SORCS1: variants seen among roughly 807,000 people sequenced by gnomAD.
SORCS1 encodes sortilin related VPS10 domain containing receptor 1.
Under a neutral mutation model 146.1 loss-of-function variants are expected in SORCS1, and 60 were observed. That is an observed-to-expected ratio of 0.41 (90% confidence interval 0.33 to 0.51). The LOEUF is 0.51. SORCS1 is among the 20% of genes least tolerant of loss of function. SORCS1 has a pLI of 0.21. For synonymous variants in SORCS1, 637 were observed against 584.0 expected, an observed-to-expected ratio of 1.09 and a Z score of -1.31; for missense variants, 1,352 against 1,487.6, an observed-to-expected ratio of 0.91 and a Z score of 1.50.
At chr10:107,106,855 A>T (rs1965345806) in intron 1 of SORCS1, among the ~76,000 whole-genome samples, 1 of 152,100 alleles carries the variant, frequency 6.6e-6, no homozygotes, top group Admixed American at 6.6e-5. Context: ...AGCCCCAGAG[A>T]TCTCTCTCAT....
intron 18 of SORCS1, among the ~76,000 whole-genome samples, chr10:106,634,661 CTT>C (rs1848628787): frequency 6.6e-6 from 1 of 152,118 alleles, no homozygotes; most frequent in Admixed American, 6.5e-5. Flanking sequence ...GTATTCCTGG[CTT>C]TGACTCTCTT....
At chr10:106,869,372 C>T (rs1035536041) in intron 2 of SORCS1, among the ~76,000 whole-genome samples, 1 of 152,012 alleles carries the variant, frequency 6.6e-6, no homozygotes, top group Admixed American at 6.6e-5. Flanking sequence ...ACCAAAACCT[C>T]GCAGACACAC....
At chr10:107,084,966 A>C (rs1306455711) in intron 1 of SORCS1, among the ~76,000 whole-genome samples, 2 of 152,184 alleles carry the variant, frequency 1.3e-5, no homozygotes, top group Non-Finnish European at 1.5e-5. Context: ...AGGGCATGCA[A>C]AATTTCAGAA....
intron 6 of SORCS1, among the ~76,000 whole-genome samples, chr10:106,709,639 G>A (rs543241055): frequency 7.2e-5 from 11 of 151,770 alleles, no homozygotes; most frequent in East Asian, 5.8e-4. Flanking sequence ...TAGTAGAGAC[G>A]GGGTTTCACC....
intron 15 of SORCS1, 114 bp downstream of exon 15, chr10:106,672,754 T>C (rs1851702263): frequency 1.2e-5 from 9 of 770,368 alleles, no homozygotes; most frequent in Non-Finnish European, 2.0e-5. Context: ...AAGAAAACAG[T>C]AGATGGACAT....
intron 2 of SORCS1, among the ~76,000 whole-genome samples, chr10:106,834,724 TA>T (rs1171347643): frequency 1.3e-5 from 2 of 152,198 alleles, no homozygotes; most frequent in African/African-American, 4.8e-5. Context: ...GTATCTTAAA[TA>T]GTCATAATTA....
intron 8 of SORCS1, among the ~76,000 whole-genome samples, chr10:106,702,833 G>A (rs1854230295): frequency 6.6e-6 from 1 of 152,154 alleles, no homozygotes; most frequent in African/African-American, 2.4e-5. Flanking sequence ...TTGAGAGCAA[G>A]GTGTGATCTT....
intron 1 of SORCS1, among the ~76,000 whole-genome samples, chr10:107,158,921 G>C (rs1969501369): frequency 6.7e-6 from 1 of 149,074 alleles, no homozygotes; most frequent in Admixed American, 6.8e-5. Context: ...ATGTAGTTCT[G>C]ACAGTCAACA....
chr10:107,143,173 A>G (rs1009239118), intron 1 of SORCS1, among the ~76,000 whole-genome samples: 3 of 152,162 alleles, frequency 2.0e-5, no homozygotes, highest in Admixed American at 2.0e-4. Context: ...TCAATGGATG[A>G]ATTACTCCTA....
intron 17 of SORCS1, among the ~76,000 whole-genome samples, chr10:106,659,736 T>C (rs528123001): frequency 2.6e-5 from 4 of 152,270 alleles, no homozygotes; most frequent in African/African-American, 9.6e-5. Flanking sequence ...AGGATAAGAA[T>C]TGTTAATGCC....
intron 1 of SORCS1, among the ~76,000 whole-genome samples, chr10:106,994,390 T>G (rs998226335): frequency 6.6e-6 from 1 of 152,156 alleles, no homozygotes; most frequent in East Asian, 1.9e-4. Flanking sequence ...TACTATTCAG[T>G]ATGTAATTCA....
intron 17 of SORCS1, among the ~76,000 whole-genome samples, chr10:106,658,345 C>T (rs1201749653): frequency 1.3e-5 from 2 of 151,958 alleles, no homozygotes; most frequent in Non-Finnish European, 2.9e-5. Context: ...CAAAATCATG[C>T]TTTTTGTGAA....
At chr10:107,129,321 G>A (rs867126321) in intron 1 of SORCS1, among the ~76,000 whole-genome samples, 74 of 152,192 alleles carry the variant, frequency 4.9e-4, no homozygotes, top group African/African-American at 1.7e-3. Flanking sequence ...TTTAGTTGCC[G>A]TGGGACGAAA....
chr10:106,640,408 T>C (rs909273297), intron 18 of SORCS1, among the ~76,000 whole-genome samples: 2 of 152,244 alleles, frequency 1.3e-5, no homozygotes, highest in African/African-American at 4.8e-5. Context: ...TGTATGTAAA[T>C]TGAAGTATTA....
At chr10:106,781,759 G>C (rs944781341) in intron 3 of SORCS1, among the ~76,000 whole-genome samples, 2 of 152,126 alleles carry the variant, frequency 1.3e-5, no homozygotes, top group Non-Finnish European at 2.9e-5. Context: ...GATGAGCTGA[G>C]GGAAAGAGCA....
At chr10:106,913,519 T>C (rs1446295804) in intron 2 of SORCS1, among the ~76,000 whole-genome samples, 1 of 152,222 alleles carries the variant, frequency 6.6e-6, no homozygotes, top group Admixed American at 6.5e-5. Flanking sequence ...GATTCCTGAA[T>C]GAGCACAGGA....
intron 25 of SORCS1, 171 bp downstream of exon 25, chr10:106,579,198 T>C (rs1844748603): frequency 2.5e-6 from 4 of 1,613,960 alleles, no homozygotes; most frequent in East Asian, 4.5e-5. Flanking sequence ...ACTGATCATC[T>C]CTTGTTCTTT....
intron 2 of SORCS1, among the ~76,000 whole-genome samples, chr10:106,855,556 G>C (rs1324022005): frequency 6.6e-6 from 1 of 151,972 alleles, no homozygotes; most frequent in Non-Finnish European, 1.5e-5. Flanking sequence ...CACAGTTCTT[G>C]CTCTGTATTT....
rs139890098 is a variant in SORCS1 at position 106,840,533 on chromosome 10, A to G, written c.627-10860T>C. ...ATGTGGTGTAAACATTGTTGAAATG[A>G]CAGCAAAGAATTTAGAATATTAAAT... On this transcript the variant is annotated intron_variant, in intron 2 of 25. Transcript: ENST00000263054. Among the ~76,000 whole-genome samples, 857 of 152,306 alleles carry G rather than the reference A, an allele frequency of 5.6e-3. 9 individuals carry two copies. Among genetic ancestry groups the G allele is most frequent in the African/African-American group, 0.019 (795 of 41,568 alleles).
Sources: gnomAD v4.1 joint callset for allele counts (sites outside exome capture counted in the v4.1 genomes callset) on GRCh38, gnomAD v4.1.1 for gene constraint, MANE v1.5 for transcripts, NCBI Gene and HGNC (gene_info 2026-07-23, HGNC 2026-07-21) for gene names.